The following CCDC146 variants were observed in gnomAD, a reference collection of about 807,000 sequenced individuals.
CCDC146 encodes the protein coiled-coil domain-containing protein 146.
CCDC146 carries 92 observed loss-of-function variants against 119.3 expected under a neutral mutation model. That is an observed-to-expected ratio of 0.77 (90% CI 0.65 to 0.92). CCDC146 has a LOEUF of 0.92. Among genes scored for constraint, CCDC146 ranks in the 40% least tolerant of loss-of-function variants. CCDC146 has a pLI of 0.00. For synonymous variants in CCDC146, 372 were observed against 371.8 expected (o/e 1.00, Z -0.01); for missense variants, 1,000 against 1,103.0 (o/e 0.91, Z 1.32).
intron 1 of CCDC146, among the ~76,000 whole-genome samples, chr7:77,149,052 G>A (rs191238529): frequency 6.6e-6 from 1 of 152,232 alleles, no homozygotes; most frequent in Admixed American, 6.5e-5. Context: ...AAAGCTGGAG[G>A]CATCATGCTA....
intron 2 of CCDC146, among the ~76,000 whole-genome samples, chr7:77,235,938 G>A (rs1390747354): frequency 1.3e-5 from 2 of 152,110 alleles, no homozygotes; most frequent in Non-Finnish European, 2.9e-5. Flanking sequence ...GGGCGTGGTG[G>A]TGTGCCCCTG....
intron 2 of CCDC146, chr7:77,199,122 A>G (rs1271506560): frequency 4.9e-6 from 7 of 1,427,908 alleles, no homozygotes; most frequent in African/African-American, 1.4e-5. Flanking sequence ...ATGTTTATAG[A>G]TACTCTCTAG....
intron 9 of CCDC146, among the ~76,000 whole-genome samples, chr7:77,273,115 G>A (rs1172136777): frequency 1.3e-5 from 2 of 152,170 alleles, no homozygotes; most frequent in Non-Finnish European, 2.9e-5. Flanking sequence ...TGGGTTCCAA[G>A]TCTACCTCCC....
intron 2 of CCDC146, among the ~76,000 whole-genome samples, chr7:77,185,587 C>T (rs957486990): frequency 6.6e-6 from 1 of 152,170 alleles, no homozygotes; most frequent in African/African-American, 2.4e-5. Flanking sequence ...TACCCAAGTT[C>T]TCTTTCAAAT....
chr7:77,256,940 C>A (rs1793191635), intron 6 of CCDC146, among the ~76,000 whole-genome samples: 1 of 152,124 alleles, frequency 6.6e-6, no homozygotes, highest in Non-Finnish European at 1.5e-5. Context: ...CCTGTCTCTA[C>A]TAAAAATACA....
intron 2 of CCDC146, among the ~76,000 whole-genome samples, chr7:77,190,622 A>G (rs1791746390): frequency 6.6e-6 from 1 of 152,218 alleles, no homozygotes; most frequent in Non-Finnish European, 1.5e-5. Context: ...GGGCCCACTC[A>G]TGTTTGGGAA....
chr7:77,175,319 TTAAG>T (rs1371289065), intron 2 of CCDC146, among the ~76,000 whole-genome samples: 1 of 150,090 alleles, frequency 6.7e-6, no homozygotes, highest in Non-Finnish European at 1.5e-5. Flanking sequence ...CCAATCATTG[TTAAG>T]TAAGTCTTTG....
At chr7:77,279,507 A>G (rs1402950391) in intron 13 of CCDC146, among the ~76,000 whole-genome samples, 1 of 152,218 alleles carries the variant, frequency 6.6e-6, no homozygotes, top group African/African-American at 2.4e-5. Context: ...TTGGGAAGTT[A>G]GAAAACAATC....
chr7:77,278,638 T>C, intron 11 of CCDC146, 114 bp from the exon 12 acceptor site: 1 of 710,668 alleles, frequency 1.4e-6, no homozygotes, highest in South Asian at 1.8e-5. Context: ...AGAGATGAGG[T>C]CTCACTATGT....
intron 2 of CCDC146, among the ~76,000 whole-genome samples, chr7:77,213,098 G>A (rs1205553715): frequency 6.6e-6 from 1 of 151,614 alleles, no homozygotes; most frequent in Non-Finnish European, 1.5e-5. Context: ...GTGTGGTGGT[G>A]GTGGTGGTTT....
Position 77,280,579 on chromosome 7 carries a change from G to T in CCDC146, c.1845G>T (p.Thr615=). The T allele has an allele frequency of 6.2e-7, 1 of 1,614,074 alleles. No individual in the cohort carries two copies. Among genetic ancestry groups the T allele is most frequent in the African/African-American group, 1.3e-5 (1 of 75,036 alleles). ...QLNNIDRLAN[T]ITMIEEEMVQ... ...ATAACATTGACAGACTTGCCAACAC[G>T]ATCACAATGATCGAAGAGGAGATGG... The change falls in exon 14 of 19, where the codon ACG becomes ACT. Residue 615 remains threonine, a synonymous_variant. Coordinates refer to ENST00000285871, the MANE Select transcript of CCDC146 (RefSeq NM_020879.3).
chr7:77,259,342 CAG>C, intron 7 of CCDC146: 1 of 331,164 alleles, frequency 3.0e-6, no homozygotes, highest in Non-Finnish European at 5.6e-6. Flanking sequence ...TTGACTTTAA[CAG>C]AGCGGTGCAT....
intron 1 of CCDC146, among the ~76,000 whole-genome samples, chr7:77,151,112 C>T (rs140047707): frequency 0.01 from 1,579 of 152,132 alleles, 24 homozygotes; most frequent in African/African-American, 0.036. Context: ...TTCCAGGTCG[C>T]AGACTGCCAA....
chr7:77,208,279 G>A (rs1010540007), intron 2 of CCDC146, among the ~76,000 whole-genome samples: 7 of 152,286 alleles, frequency 4.6e-5, no homozygotes, highest in Non-Finnish European at 7.4e-5. Context: ...ACAGGAATAC[G>A]TTCTGAGAGA....
chr7:77,176,257 T>C (rs1455926847), intron 2 of CCDC146, among the ~76,000 whole-genome samples: 2 of 151,158 alleles, frequency 1.3e-5, no homozygotes, highest in Non-Finnish European at 2.9e-5. Context: ...TCTCTTGAAT[T>C]TGTGTTTTCC....
intron 2 of CCDC146, among the ~76,000 whole-genome samples, chr7:77,191,156 ACTTCATT>A (rs1791755983): frequency 1.3e-5 from 2 of 152,110 alleles, no homozygotes; most frequent in Non-Finnish European, 2.9e-5. Flanking sequence ...TGCCATAGGA[ACTTCATT>A]CTTGTTTATG....
At chr7:77,246,755 C>T (rs1394469240) in intron 4 of CCDC146, among the ~76,000 whole-genome samples, 1 of 152,108 alleles carries the variant, frequency 6.6e-6, no homozygotes, top group Non-Finnish European at 1.5e-5. Context: ...GTAGTCAGAG[C>T]GGTATTTGTG....
intron 15 of CCDC146, among the ~76,000 whole-genome samples, chr7:77,285,200 G>A (rs1357550307): frequency 5.3e-5 from 8 of 152,090 alleles, no homozygotes; most frequent in African/African-American, 1.9e-4. Flanking sequence ...CATAGACAGA[G>A]TAAACAGTTT....
intron 2 of CCDC146, among the ~76,000 whole-genome samples, chr7:77,223,793 G>T (rs528940663): frequency 2.6e-5 from 4 of 152,218 alleles, no homozygotes; most frequent in Non-Finnish European, 5.9e-5. Context: ...ACTCAAAGAT[G>T]AATAGAGCAG....
Sources: allele counts gnomAD v4.1 joint callset (sites outside exome capture counted in the v4.1 genomes callset), GRCh38; gene constraint gnomAD v4.1.1; transcripts MANE v1.5; gene names NCBI Gene and HGNC (gene_info 2026-07-23, HGNC 2026-07-21).